EXOC6B: variants seen among roughly 807,000 people sequenced by gnomAD.
EXOC6B encodes the protein exocyst complex component 6B.
In EXOC6B, 54 loss-of-function variants were observed where a neutral mutation model predicts 113.5. The ratio of observed to expected loss-of-function variants is 0.48; its 90% CI spans 0.38 to 0.60. EXOC6B has a LOEUF of 0.60. Ranked by LOEUF, EXOC6B falls within the 20% of genes least tolerant of loss-of-function variation. The pLI is 0.00. For missense variants in EXOC6B, 797 were observed against 977.5 expected, an observed-to-expected ratio of 0.82 and a Z score of 2.46; for synonymous variants, 357 against 339.0, an observed-to-expected ratio of 1.05 and a Z score of -0.58.
chr2:72,306,097 G>A (rs1341325674), intron 20 of EXOC6B, among the ~76,000 whole-genome samples: 1 of 151,980 alleles, frequency 6.6e-6, no homozygotes, highest in East Asian at 1.9e-4. Context: ...TACCCGGACA[G>A]GCTGACACAG....
rs537550068 is a variant in EXOC6B, at chr2:72,264,301, T to C, written c.2196+70646A>G. On this transcript the variant is annotated intron_variant, in intron 20 of 21. Transcript: ENST00000272427. ...ACATATACCTTGAGGCCAGGCGCAG[T>C]GGCTCATGCCTGTAATCTCAGCACT... 4.6e-5 allele frequency among the ~76,000 whole-genome samples: 7 copies of C among 152,290 alleles called. No homozygotes were observed. In the East Asian group the frequency reaches 9.7e-4, roughly 21 times the overall value.
At chr2:72,677,343 C>T (rs1676386648) in intron 6 of EXOC6B, among the ~76,000 whole-genome samples, 1 of 151,448 alleles carries the variant, frequency 6.6e-6, no homozygotes, top group Admixed American at 6.6e-5. Flanking sequence ...CCAGCCTGGG[C>T]AACATGGTGA....
chr2:72,771,328 GT>G (rs1683394296), intron 1 of EXOC6B, among the ~76,000 whole-genome samples: 1 of 152,014 alleles, frequency 6.6e-6, no homozygotes, highest in Admixed American at 6.6e-5. Flanking sequence ...TGCCATATTT[GT>G]TTTATCATTC....
At chr2:72,471,560 T>G (rs965022742) in intron 17 of EXOC6B, among the ~76,000 whole-genome samples, 2 of 152,176 alleles carry the variant, frequency 1.3e-5, no homozygotes, top group African/African-American at 4.8e-5. Flanking sequence ...CTGAATGGTA[T>G]TGCCTAGGTT....
intron 1 of EXOC6B, among the ~76,000 whole-genome samples, chr2:72,793,258 C>CA (rs767737678): frequency 7.2e-5 from 11 of 152,120 alleles, no homozygotes; most frequent in Non-Finnish European, 1.5e-4. Context: ...AAAGAATATA[C>CA]AAAGACTTTC....
At position 72,245,114 on chromosome 2, in the gene EXOC6B, G is replaced by T. The variant is rs543194147; in HGVS notation, c.2197-60927C>A. 2.6e-5 allele frequency among the ~76,000 whole-genome samples: 4 copies of T among 152,238 alleles called. No individual in the cohort carries two copies. The South Asian group carries it at 8.3e-4, about 32-fold the overall frequency. On this transcript the variant is annotated intron_variant, in intron 20 of 21. Coordinates refer to ENST00000272427, the MANE Select transcript of EXOC6B (RefSeq NM_015189.3). ...CAATAAAATCCCAGCAAGTTATTTT[G>T]TGAATATCAACAAACTGATTACCTA...
intron 20 of EXOC6B, among the ~76,000 whole-genome samples, chr2:72,287,616 A>G (rs2104697266): frequency 6.6e-6 from 1 of 152,138 alleles, no homozygotes; most frequent in Non-Finnish European, 1.5e-5. Context: ...AAAAGGGTAT[A>G]TAACTGCAGA....
chr2:72,228,608 T>C (rs1428512970), intron 20 of EXOC6B, among the ~76,000 whole-genome samples: 1 of 152,210 alleles, frequency 6.6e-6, no homozygotes, highest in Admixed American at 6.5e-5. Context: ...TCATTTTTTA[T>C]GGCTGCATAG....
chr2:72,713,602 T>G (rs1573672165), intron 6 of EXOC6B, among the ~76,000 whole-genome samples: 3 of 140,126 alleles, frequency 2.1e-5, no homozygotes, highest in Admixed American at 7.6e-5. Flanking sequence ...CCCACAACAG[T>G]CCCCAGAGTG....
intron 6 of EXOC6B, among the ~76,000 whole-genome samples, chr2:72,620,905 C>T (rs1187528695): frequency 1.3e-5 from 2 of 151,954 alleles, no homozygotes. Context: ...GAAAAAAATG[C>T]TCATCATCAC....
intron 18 of EXOC6B, among the ~76,000 whole-genome samples, chr2:72,420,813 C>T (rs1294996668): frequency 1.3e-5 from 2 of 152,214 alleles, no homozygotes; most frequent in African/African-American, 4.8e-5. Flanking sequence ...AATCACCACA[C>T]TGTCTTCCAC....
At chr2:72,801,377 G>A (rs1464245335) in intron 1 of EXOC6B, among the ~76,000 whole-genome samples, 1 of 152,154 alleles carries the variant, frequency 6.6e-6, no homozygotes, top group African/African-American at 2.4e-5. Flanking sequence ...GTCAAAAAAT[G>A]TAGAGACAAT....
At chr2:72,730,321 G>A (rs573924372) in intron 5 of EXOC6B, among the ~76,000 whole-genome samples, 40 of 152,244 alleles carry the variant, frequency 2.6e-4, no homozygotes, top group Admixed American at 2.6e-3. Flanking sequence ...TATGAGTAAA[G>A]ATGATTACCC....
At chr2:72,545,948 T>C (rs1427111536) in intron 8 of EXOC6B, among the ~76,000 whole-genome samples, 1 of 152,214 alleles carries the variant, frequency 6.6e-6, no homozygotes, top group Non-Finnish European at 1.5e-5. Flanking sequence ...TGCTTATGTC[T>C]GTCTGTTCCT....
At chr2:72,369,396 T>C (rs774771799) in intron 19 of EXOC6B, among the ~76,000 whole-genome samples, 54 of 152,226 alleles carry the variant, frequency 3.5e-4, no homozygotes, top group Non-Finnish European at 6.9e-4. Context: ...TTCGTGCTCA[T>C]GGGTAGGAAG....
At chr2:72,418,254 C>T (rs1694654278) in intron 18 of EXOC6B, among the ~76,000 whole-genome samples, 1 of 152,136 alleles carries the variant, frequency 6.6e-6, no homozygotes, top group African/African-American at 2.4e-5. Context: ...TATTCTCGTA[C>T]AAACATCACC....
intron 6 of EXOC6B, among the ~76,000 whole-genome samples, chr2:72,611,542 G>A (rs1484280910): frequency 6.6e-6 from 1 of 152,156 alleles, no homozygotes; most frequent in African/African-American, 2.4e-5. Flanking sequence ...CTAGACTTTA[G>A]TTAGTAGTGA....
chr2:72,233,487 C>G (rs923240109), intron 20 of EXOC6B, among the ~76,000 whole-genome samples: 1 of 152,182 alleles, frequency 6.6e-6, no homozygotes, highest in African/African-American at 2.4e-5. Flanking sequence ...GATTCACACT[C>G]TCCACAGGAA....
At chr2:72,180,420 T>G (rs1678007464) in intron 21 of EXOC6B, among the ~76,000 whole-genome samples, 1 of 152,218 alleles carries the variant, frequency 6.6e-6, no homozygotes. Flanking sequence ...CCACAACCTC[T>G]GACATCTATT....
Sources: allele counts gnomAD v4.1 joint callset (sites outside exome capture counted in the v4.1 genomes callset), GRCh38; gene constraint gnomAD v4.1.1; transcripts MANE v1.5; gene names NCBI Gene and HGNC (gene_info 2026-07-23, HGNC 2026-07-21).